Variants in FBXW10B observed in about 807,000 individuals in gnomAD.
The protein encoded by FBXW10B is F-box and WD repeat domain containing protein 10B.
chr17:15,602,037 G>A, the FBXW10B span, among the ~76,000 whole-genome samples: 48 of 151,442 alleles, frequency 3.2e-4, no homozygotes, highest in Non-Finnish European at 5.2e-4. Flanking sequence ...GCATGATCAC[G>A]GAAGGCGGAG....
the FBXW10B span, among the ~76,000 whole-genome samples, chr17:15,600,041 C>T: frequency 6.6e-6 from 1 of 151,512 alleles, no homozygotes; most frequent in Non-Finnish European, 1.5e-5. Context: ...ATGGTGAAAA[C>T]CCGTCTCTAC....
chr17:15,593,173 G>A, the FBXW10B span: 4 of 414,934 alleles, frequency 9.6e-6, no homozygotes, highest in Non-Finnish European at 1.3e-5. Flanking sequence ...AGCCCTGTTA[G>A]TCCCCACCAC....
the FBXW10B span, among the ~76,000 whole-genome samples, chr17:15,566,780 G>A: frequency 1.5e-4 from 22 of 151,114 alleles, no homozygotes; most frequent in Middle Eastern, 3.4e-3. Flanking sequence ...TAGCCAGGAT[G>A]GTCTCGATCT....
the FBXW10B span, among the ~76,000 whole-genome samples, chr17:15,615,382 C>T: frequency 7.6e-6 from 1 of 132,204 alleles, no homozygotes; most frequent in Non-Finnish European, 1.5e-5. Flanking sequence ...AGTGCAGTGG[C>T]ATGATCTCGG....
chr17:15,592,631 C>T, the FBXW10B span, among the ~76,000 whole-genome samples: 2 of 151,986 alleles, frequency 1.3e-5, no homozygotes, highest in African/African-American at 2.4e-5. Flanking sequence ...TGCCACCCCC[C>T]ACTCTCCTAT....
At chr17:15,588,352 G>T in the FBXW10B span, 1,856 of 184,738 alleles carry the variant, frequency 0.01, 15 homozygotes, top group Non-Finnish European at 0.016. Flanking sequence ...TCTTAATAAA[G>T]TATAAATACA....
chr17:15,568,192 T>C, the FBXW10B span, among the ~76,000 whole-genome samples: 1 of 152,188 alleles, frequency 6.6e-6, no homozygotes, highest in Non-Finnish European at 1.5e-5. Context: ...ACACGTGCAT[T>C]AAAAGGACAC....
At chr17:15,585,248 T>A in the FBXW10B span, among the ~76,000 whole-genome samples, 1 of 152,122 alleles carries the variant, frequency 6.6e-6, no homozygotes, top group Non-Finnish European at 1.5e-5. Flanking sequence ...TCATATTGTG[T>A]GCCATGTTGG....
the FBXW10B span, chr17:15,594,924 A>G: frequency 6.2e-7 from 1 of 1,611,602 alleles, no homozygotes; most frequent in Admixed American, 1.7e-5. Context: ...TTCAACTCAG[A>G]CTGTGACTCC....
At chr17:15,619,197 A>C in the FBXW10B span, 1 of 1,613,996 alleles carries the variant, frequency 6.2e-7, no homozygotes, top group Non-Finnish European at 8.5e-7. Context: ...ATTTGGTTCA[A>C]GGAGGACTTC....
the FBXW10B span, among the ~76,000 whole-genome samples, chr17:15,591,629 G>A: frequency 6.6e-6 from 1 of 152,162 alleles, no homozygotes; most frequent in African/African-American, 2.4e-5. Flanking sequence ...TTCCTGGAGT[G>A]AGTGCCATGT....
At chr17:15,583,755 C>A in the FBXW10B span, among the ~76,000 whole-genome samples, 2 of 151,972 alleles carry the variant, frequency 1.3e-5, no homozygotes, top group Non-Finnish European at 2.9e-5. Flanking sequence ...AACAAATGAG[C>A]CTGAGTATAG....
chr17:15,614,058 C>T, the FBXW10B span: 57,928 of 1,601,302 alleles, frequency 0.036, 2,398 homozygotes, highest in East Asian at 0.18. Context: ...GAGAAAGGTA[C>T]GTGGTTGAGT....
the FBXW10B span, among the ~76,000 whole-genome samples, chr17:15,609,594 T>G: frequency 6.6e-6 from 1 of 151,458 alleles, no homozygotes; most frequent in African/African-American, 2.4e-5. Flanking sequence ...TCACACCATA[T>G]CCTTCATTTC....
At chr17:15,602,870 G>A in the FBXW10B span, among the ~76,000 whole-genome samples, 5 of 121,028 alleles carry the variant, frequency 4.1e-5, no homozygotes, top group African/African-American at 8.1e-5. Context: ...CTCGTGATCC[G>A]CCCGCCTCGG....
chr17:15,600,082 G>A, the FBXW10B span, among the ~76,000 whole-genome samples: 1 of 151,732 alleles, frequency 6.6e-6, no homozygotes, highest in African/African-American at 2.4e-5. Flanking sequence ...CGGGCGTGGT[G>A]GCAGGTGCCT....
At chr17:15,596,575 A>G in the FBXW10B span, 1 of 1,612,104 alleles carries the variant, frequency 6.2e-7, no homozygotes, top group Admixed American at 1.7e-5. Flanking sequence ...ACAGCTGCTC[A>G]CAATGTAGGT....
At chr17:15,594,447 G>T in the FBXW10B span, 1 of 296,560 alleles carries the variant, frequency 3.4e-6, no homozygotes, top group Non-Finnish European at 6.3e-6. Flanking sequence ...ACTCCAGCCT[G>T]GCAACAGAGC....
At chr17:15,612,063 TG>T in the FBXW10B span, among the ~76,000 whole-genome samples, 1 of 152,148 alleles carries the variant, frequency 6.6e-6, no homozygotes, top group African/African-American at 2.4e-5. Context: ...CATGGGCTGA[TG>T]GGGTTGCTCC....
Sources: gnomAD v4.1 joint callset for allele counts (sites outside exome capture counted in the v4.1 genomes callset) on GRCh38, gnomAD v4.1.1 for gene constraint, MANE v1.5 for transcripts, NCBI Gene and HGNC (gene_info 2026-07-23, HGNC 2026-07-21) for gene names.